Variants in ERBIN observed in about 807,000 individuals in gnomAD.
The protein encoded by ERBIN is erbb2 interacting protein.
A neutral mutation model predicts 158.4 loss-of-function variants in ERBIN; 60 were observed. The observed-to-expected ratio is 0.38, with a 90% CI of 0.31 to 0.47. The LOEUF (loss-of-function observed/expected upper bound fraction) is 0.47. Among genes scored for constraint, ERBIN ranks in the 20% least tolerant of loss-of-function variants. ERBIN has a pLI of 0.99. For synonymous variants in ERBIN, 594 were observed against 557.2 expected (o/e 1.07, Z -0.93); for missense variants, 1,610 against 1,648.0 (o/e 0.98, Z 0.40).
intron 6 of ERBIN, among the ~76,000 whole-genome samples, chr5:66,014,459 G>T (rs1754511597): frequency 6.6e-6 from 1 of 152,150 alleles, no homozygotes; most frequent in Admixed American, 6.5e-5. Flanking sequence ...ATGTGTGGAA[G>T]TGCTAACCCT....
At chr5:65,992,404 C>G (rs1751974581) in intron 2 of ERBIN, among the ~76,000 whole-genome samples, 1 of 152,062 alleles carries the variant, frequency 6.6e-6, no homozygotes, top group Non-Finnish European at 1.5e-5. Context: ...GCCTCGGCCT[C>G]CCAAAGTGCT....
intron 1 of ERBIN, among the ~76,000 whole-genome samples, chr5:65,942,781 C>T (rs774222131): frequency 1.5e-4 from 23 of 152,018 alleles, no homozygotes; most frequent in African/African-American, 3.9e-4. Context: ...AAAAATTAGC[C>T]GGGTGTGGTT....
At chr5:65,946,584 CCTG>C (rs1185403361) in intron 1 of ERBIN, among the ~76,000 whole-genome samples, 4 of 152,098 alleles carry the variant, frequency 2.6e-5, no homozygotes, top group Non-Finnish European at 5.9e-5. Context: ...TAGAAATAAA[CCTG>C]CTGTGAATAT....
At chr5:65,991,721 TA>T (rs753531724) in intron 2 of ERBIN, among the ~76,000 whole-genome samples, 8 of 152,220 alleles carry the variant, frequency 5.3e-5, no homozygotes, top group Non-Finnish European at 8.8e-5. Context: ...GTGTACTTAA[TA>T]AAGTTGGCCC....
intron 1 of ERBIN, among the ~76,000 whole-genome samples, chr5:65,977,936 C>G (rs1485757444): frequency 8.9e-6 from 1 of 112,276 alleles, no homozygotes; most frequent in Non-Finnish European, 1.9e-5. Flanking sequence ...TGGCGGATCA[C>G]TCGCGGTTAG....
intron 1 of ERBIN, among the ~76,000 whole-genome samples, chr5:65,963,496 G>GCTGAGGCAGGAGAAT (rs1748154215): frequency 6.6e-6 from 1 of 152,102 alleles, no homozygotes; most frequent in Non-Finnish European, 1.5e-5. Flanking sequence ...TACTCCGGAG[G>GCTGAGGCAGGAGAAT]CTGAGGCAGG....
At chr5:66,041,253 C>G (rs1757892324) in intron 15 of ERBIN, among the ~76,000 whole-genome samples, 1 of 151,920 alleles carries the variant, frequency 6.6e-6, no homozygotes. Context: ...TTTGGAAGAA[C>G]AGGTGTAGTG....
chr5:66,038,236 A>G, intron 14 of ERBIN, 147 bp from the exon 15 acceptor site: 1 of 425,034 alleles, frequency 2.4e-6, no homozygotes, highest in Non-Finnish European at 4.3e-6. Flanking sequence ...ATCAATGCCT[A>G]AAGTGTTATT....
intron 1 of ERBIN, among the ~76,000 whole-genome samples, chr5:65,974,757 A>G (rs1580213952): frequency 6.6e-6 from 1 of 152,340 alleles, no homozygotes; most frequent in East Asian, 1.9e-4. Context: ...GATGATCACC[A>G]AAGGTGTGAG....
At chr5:65,979,287 TGG>T (rs1561324890) in intron 1 of ERBIN, among the ~76,000 whole-genome samples, 2 of 17,954 alleles carry the variant, frequency 1.1e-4, no homozygotes, top group Non-Finnish European at 6.1e-4. Context: ...CTGCTGACTG[TGG>T]TGGTGGTGCA....
At chr5:66,001,274 A>G (rs1752989215) in intron 4 of ERBIN, among the ~76,000 whole-genome samples, 1 of 152,064 alleles carries the variant, frequency 6.6e-6, no homozygotes, top group Admixed American at 6.6e-5. Flanking sequence ...ATTTCAGTCT[A>G]ATATTTAAGT....
chr5:66,043,106 A>G lies in ERBIN; in HGVS notation c.1336A>G (p.Asn446Asp), dbSNP rs1758078961. The G allele has an allele frequency of 6.2e-7, 1 of 1,607,618 alleles. No individual in the cohort carries two copies. Among genetic ancestry groups the G allele is most frequent in the Non-Finnish European group, 8.5e-7 (1 of 1,174,446 alleles). ...VMFISDNESFNPSLWEEQRKQ... is the reference protein window; with the variant it reads ...VMFISDNESFDPSLWEEQRKQ... ...GTTTATATCAGATAATGAAAGTTTT[A>G]ACCCTTCATTGTGGGAGGAACAGAG... The change falls in exon 16 of 26, where the codon AAC (asparagine) becomes GAC (aspartate). Residue 446 changes from asparagine to aspartate, a missense_variant. Physicochemically the swap from Asn to Asp is conservative, Grantham distance 23. This residue lies in a region of ERBIN where 596 missense variants were observed against 711.9 expected (regional missense o/e 0.84). Coordinates refer to ENST00000284037, the MANE Select transcript of ERBIN (RefSeq NM_001253697.2).
intron 2 of ERBIN, among the ~76,000 whole-genome samples, chr5:65,992,219 G>A (rs1023967772): frequency 6.6e-5 from 10 of 151,784 alleles, no homozygotes; most frequent in African/African-American, 1.9e-4. Context: ...GCGCGATCTC[G>A]GCTCACTGCA....
At chr5:66,014,358 A>C in intron 6 of ERBIN, among the ~76,000 whole-genome samples, 1 of 152,152 alleles carries the variant, frequency 6.6e-6, no homozygotes, top group East Asian at 1.9e-4. Context: ...TCTTGAATCT[A>C]CCAAGAGTTA....
At chr5:66,012,216 T>G (rs931850572) in intron 5 of ERBIN, 89 bp downstream of exon 5, 39 of 821,182 alleles carry the variant, frequency 4.7e-5, no homozygotes, top group Non-Finnish European at 7.0e-5. Context: ...TAACAAAAAT[T>G]TTATATCAAT....
intron 14 of ERBIN, among the ~76,000 whole-genome samples, chr5:66,033,265 A>C (rs969721863): frequency 6.6e-6 from 1 of 152,230 alleles, no homozygotes; most frequent in African/African-American, 2.4e-5. Flanking sequence ...TCAGCCCATG[A>C]TCGTAATTAA....
At chr5:65,980,385 G>GC (rs1203778094) in intron 1 of ERBIN, among the ~76,000 whole-genome samples, 1 of 152,056 alleles carries the variant, frequency 6.6e-6, no homozygotes, top group African/African-American at 2.4e-5. Flanking sequence ...CCGAGATCAT[G>GC]CCACTGCACT....
At chr5:66,025,668 T>G in intron 11 of ERBIN, 116 bp downstream of exon 11, 2 of 923,374 alleles carry the variant, frequency 2.2e-6, no homozygotes, top group Non-Finnish European at 3.4e-6. Flanking sequence ...ATTTAAGTAA[T>G]TAGTATACAG....
At chr5:66,056,078 G>A (rs1278233126) in intron 21 of ERBIN, among the ~76,000 whole-genome samples, 1 of 152,250 alleles carries the variant, frequency 6.6e-6, no homozygotes, top group East Asian at 1.9e-4. Context: ...TAACATAGGT[G>A]TGTTTTATAA....
Sources: allele counts gnomAD v4.1 joint callset (sites outside exome capture counted in the v4.1 genomes callset), GRCh38; gene constraint gnomAD v4.1.1; regional missense constraint gnomAD v4.1.1; transcripts MANE v1.5; gene names NCBI Gene and HGNC (gene_info 2026-07-23, HGNC 2026-07-21).